The following KCNJ5 variants were observed in gnomAD, a reference collection of about 807,000 sequenced individuals.
The protein encoded by KCNJ5 is G protein-activated inward rectifier potassium channel 4.
Under a neutral mutation model 20.2 loss-of-function variants are expected in KCNJ5, and 12 were observed. The ratio of observed to expected loss-of-function variants is 0.59; its 90% CI spans 0.38 to 0.96. The LOEUF (loss-of-function observed/expected upper bound fraction) is 0.96. Ranked by LOEUF, KCNJ5 falls within the 40% of genes least tolerant of loss-of-function variation. The probability of loss-of-function intolerance (pLI) is 0.00; values close to 1 mark genes in which losing one functional copy is unlikely to be tolerated. For missense variants in KCNJ5, 449 were observed against 557.6 expected (o/e 0.81, Z 1.96); for synonymous variants, 210 against 213.9 (o/e 0.98, Z 0.16).
At chr11:128,912,846 G>A (rs764994737) in intron 2 of KCNJ5, among the ~76,000 whole-genome samples, 4 of 151,636 alleles carry the variant, frequency 2.6e-5, no homozygotes, top group Non-Finnish European at 4.4e-5. Flanking sequence ...AAGACACAGG[G>A]ACACAGACAG....
intron 1 of KCNJ5, chr11:128,903,295 T>A: frequency 1.3e-6 from 2 of 1,544,922 alleles, no homozygotes; most frequent in Non-Finnish European, 1.8e-6. Flanking sequence ...GAAAGCCTAC[T>A]AATTGCACGT....
At chr11:128,915,412 G>A (rs111927325) in intron 2 of KCNJ5, among the ~76,000 whole-genome samples, 2,562 of 152,236 alleles carry the variant, frequency 0.017, 42 homozygotes, top group Non-Finnish European at 0.028. Context: ...CCCTCTCTCC[G>A]TATGTGTCCG....
At chr11:128,891,798 T>A (rs962329312) in intron 1 of KCNJ5, 77 bp downstream of exon 1, 1 of 152,262 alleles carries the variant, frequency 6.6e-6, no homozygotes, top group Non-Finnish European at 1.5e-5. Flanking sequence ...CCCTCAGGTG[T>A]CCATCACCTG....
intron 1 of KCNJ5, among the ~76,000 whole-genome samples, chr11:128,894,131 A>G (rs1056959063): frequency 6.6e-6 from 1 of 151,668 alleles, no homozygotes; most frequent in Non-Finnish European, 1.5e-5. Flanking sequence ...CGAAGCCACA[A>G]ACAGGTGTCC....
chr11:128,912,571 C>T (rs143285709), intron 2 of KCNJ5, among the ~76,000 whole-genome samples: 26 of 152,248 alleles, frequency 1.7e-4, no homozygotes, highest in African/African-American at 6.3e-4. Context: ...AGTGCAGTGG[C>T]CCGATCTCGG....
intron 1 of KCNJ5, among the ~76,000 whole-genome samples, chr11:128,894,613 A>G (rs1410002109): frequency 6.6e-6 from 1 of 152,200 alleles, no homozygotes; most frequent in African/African-American, 2.4e-5. Context: ...AGTTCAAAAG[A>G]TTGTAGTGAG....
In KCNJ5 at chr11:128,904,347, T is replaced by C. The variant is rs1228693671; in HGVS notation, c.-10-6917T>C. ...GCCTCTCTCTCACTCTCTACTGCAC[T>C]GATTTTTTTTGCCTGTGTACTCCCC... On this transcript the variant is annotated intron_variant, in intron 1 of 2. Coordinates refer to ENST00000529694, the MANE Select transcript of KCNJ5 (RefSeq NM_000890.5). 5.1e-6 allele frequency: 8 copies of C among 1,570,978 alleles called. No individual in the cohort carries two copies. In the Admixed American group the frequency reaches 1.4e-4, roughly 27 times the overall value.
intron 1 of KCNJ5, among the ~76,000 whole-genome samples, chr11:128,910,161 GTTAA>G (rs1944475821): frequency 6.6e-6 from 1 of 152,184 alleles, no homozygotes; most frequent in Non-Finnish European, 1.5e-5. Flanking sequence ...GTCTGTTATT[GTTAA>G]TTAAAGAGGT....
chr11:128,898,575 G>A (rs959475370), intron 1 of KCNJ5, among the ~76,000 whole-genome samples: 5 of 152,212 alleles, frequency 3.3e-5, no homozygotes, highest in African/African-American at 4.8e-5. Context: ...CTCAGCTTTC[G>A]TTCTAATGCC....
chr11:128,904,460 G>T (rs780462865), intron 1 of KCNJ5: 17 of 1,613,822 alleles, frequency 1.1e-5, no homozygotes, highest in Non-Finnish European at 1.4e-5. Flanking sequence ...CCAGATTCTG[G>T]GACTAGGCAT....
intron 2 of KCNJ5, among the ~76,000 whole-genome samples, chr11:128,914,062 C>T (rs1471229059): frequency 1.3e-5 from 2 of 152,206 alleles, no homozygotes; most frequent in Admixed American, 6.5e-5. Flanking sequence ...TGGGCAGCCC[C>T]GGGGCCGAGG....
Position 128,916,826 on chromosome 11 carries a change from T to C in KCNJ5, c.*95T>C, listed in dbSNP as rs1227043335. 9.1e-5 allele frequency: 89 copies of C among 980,850 alleles called. No homozygotes were observed. The highest frequency in any genetic ancestry group is 2.1e-5 in the Non-Finnish European group (14 of 665,646). The allele number at this position is 980,850 out of a possible 1,614,324, so 60.8% of individuals were successfully genotyped here. On this transcript the variant is annotated 3_prime_UTR_variant, in exon 3 of 3. Transcript: ENST00000529694. ...AGGGGAGGGGAATAGTTGAGTGTGC[T>C]GTTTGGGGGCTCAGGAGCCATCAAG...
At position 128,891,615 on chromosome 11, in the gene KCNJ5, GC is replaced by G. The variant is rs1944092446; in HGVS notation, c.-116del. The G allele has an allele frequency of 6.6e-6, 1 of 152,618 alleles. No individual in the cohort carries two copies. Among genetic ancestry groups the G allele is most frequent in the Admixed American group, 6.5e-5 (1 of 15,286 alleles). 9.5% of individuals were successfully genotyped at this position (152,618 alleles called of 1,614,324 possible). ...GCTACAGCTCCTCCGTGGGGTCATG[GC>G]AGGGGCTGGGGAGTCCCCTCAAAAG... On this transcript the variant is annotated 5_prime_UTR_variant, in exon 1 of 3. The change abolishes the stop of an existing upstream ORF in the 5' untranslated region. Coordinates refer to ENST00000529694, the MANE Select transcript of KCNJ5 (RefSeq NM_000890.5).
chr11:128,916,345 G>A (rs775277032), intron 2 of KCNJ5, 64 bp from the exon 3 acceptor site: 115 of 1,226,098 alleles, frequency 9.4e-5, no homozygotes, highest in Non-Finnish European at 1.3e-4. Flanking sequence ...TGGATGAATG[G>A]ATGAATGGAT....
chr11:128,893,700 G>GC (rs1491574577), intron 1 of KCNJ5, among the ~76,000 whole-genome samples: 1 of 3,862 alleles, frequency 2.6e-4, no homozygotes, highest in Admixed American at 2.3e-3. Flanking sequence ...CCAAGGGTGA[G>GC]GGGGGGGGTC....
At position 128,904,249 on chromosome 11, in the gene KCNJ5, C is replaced by T. The variant is rs73027213; in HGVS notation, c.-10-7015C>T. ...CTGCCACCTCACCCTGCTCACTGGA[C>T]GCCTTCCTCACCAGGGCCTTCCTGA... On this transcript the variant is annotated intron_variant, in intron 1 of 2. Transcript: ENST00000529694. Among the ~76,000 whole-genome samples, 495 of 152,310 alleles carry T rather than the reference C, an allele frequency of 3.2e-3. 5 individuals carry two copies. The highest frequency in any genetic ancestry group is 0.021 in the South Asian group (103 of 4,820).
In KCNJ5 at chr11:128,902,571, C is replaced by T. The variant is rs777523221; in HGVS notation, c.-10-8693C>T. ...AGGAGACAGGGCTAGTTAGGACCAC[C>T]GGAACCAGGCTGATGGGCACTGAGG... is the stretch of plus-strand genomic sequence containing the variant. On this transcript the variant is annotated intron_variant, in intron 1 of 2. Transcript: ENST00000529694. 5.8e-5 allele frequency: 94 copies of T among 1,606,996 alleles called. 1 individual carries two copies. Among genetic ancestry groups the T allele is most frequent in the Admixed American group, 2.9e-4 (17 of 59,110 alleles).
chr11:128,901,675 G>T (rs1045803025), intron 1 of KCNJ5: 1 of 152,248 alleles, frequency 6.6e-6, no homozygotes, highest in African/African-American at 2.4e-5. Context: ...ACCCATGTGG[G>T]GAGCTCCCCT....
At chr11:128,903,784 G>A (rs1365597515) in intron 1 of KCNJ5, among the ~76,000 whole-genome samples, 1 of 152,184 alleles carries the variant, frequency 6.6e-6, no homozygotes, top group Non-Finnish European at 1.5e-5. Flanking sequence ...CTGGAGGGGA[G>A]CAGGAGGGAG....
Sources: gnomAD v4.1 joint callset for allele counts (sites outside exome capture counted in the v4.1 genomes callset) on GRCh38, gnomAD v4.1.1 for gene constraint, MANE v1.5 for transcripts, NCBI Gene and HGNC (gene_info 2026-07-23, HGNC 2026-07-21) for gene names.